Variants in FAM227A observed in about 807,000 individuals in gnomAD.
The protein encoded by FAM227A is protein FAM227A.
A neutral mutation model predicts 74.7 loss-of-function variants in FAM227A; 80 were observed. The ratio of observed to expected loss-of-function variants is 1.07; its 90% CI spans 0.89 to 1.29. FAM227A has a LOEUF of 1.29. FAM227A is among the 50% of genes most tolerant of loss of function. The pLI, the probability that FAM227A is intolerant of heterozygous loss-of-function variation, is 0.00. For synonymous variants in FAM227A, 237 were observed against 241.8 expected (o/e 0.98, Z 0.19); for missense variants, 654 against 683.4 (o/e 0.96, Z 0.48).
At chr22:38,640,940 CAG>C (rs975100803) in intron 3 of FAM227A, among the ~76,000 whole-genome samples, 1 of 151,972 alleles carries the variant, frequency 6.6e-6, no homozygotes, top group Non-Finnish European at 1.5e-5. Flanking sequence ...GGGGCGGTCA[CAG>C]GGGTTAGTCT....
chr22:38,611,311 T>C (rs977467235), intron 11 of FAM227A, among the ~76,000 whole-genome samples: 1 of 152,054 alleles, frequency 6.6e-6, no homozygotes, highest in African/African-American at 2.4e-5. Flanking sequence ...GAGCCTAAAT[T>C]TGAGCTACTA....
At chr22:38,591,651 G>T in intron 15 of FAM227A, 111 bp from the exon 16 acceptor site, 1 of 710,958 alleles carries the variant, frequency 1.4e-6, no homozygotes, top group East Asian at 3.1e-5. Flanking sequence ...TACAAAACAT[G>T]CATTGAAGTA....
At chr22:38,642,113 CAAT>C (rs2092130025) in intron 3 of FAM227A, among the ~76,000 whole-genome samples, 1 of 152,140 alleles carries the variant, frequency 6.6e-6, no homozygotes, top group African/African-American at 2.4e-5. Flanking sequence ...CATTCTGTCC[CAAT>C]AATAAGTAAA....
chr22:38,588,764 C>CA (rs34469783), intron 16 of FAM227A, among the ~76,000 whole-genome samples: 2,482 of 128,436 alleles, frequency 0.019, 35 homozygotes, highest in East Asian at 0.037. Flanking sequence ...ACTAAAAATA[C>CA]AAAAAAAAAA....
At chr22:38,616,679 AAAT>A (rs1490759520) in intron 11 of FAM227A, among the ~76,000 whole-genome samples, 2 of 151,960 alleles carry the variant, frequency 1.3e-5, no homozygotes, top group African/African-American at 2.4e-5. Context: ...AAAAAAAAAA[AAAT>A]AATAAGTTCT....
chr22:38,618,305 C>G (rs886334861), intron 11 of FAM227A: 13 of 152,202 alleles, frequency 8.5e-5, no homozygotes, highest in African/African-American at 3.1e-4. Flanking sequence ...GAAGAGACAA[C>G]TCATCACTGG....
At chr22:38,643,907 G>A (rs1262669699) in intron 3 of FAM227A, among the ~76,000 whole-genome samples, 1 of 152,038 alleles carries the variant, frequency 6.6e-6, no homozygotes, top group Non-Finnish European at 1.5e-5. Context: ...CAGCACTTTC[G>A]GAGGCTGAGG....
At chr22:38,597,512 G>T in intron 14 of FAM227A, 156 bp from the exon 15 acceptor site, 1 of 772,384 alleles carries the variant, frequency 1.3e-6, no homozygotes, top group Non-Finnish European at 2.2e-6. Flanking sequence ...ATCTGAGCAA[G>T]AGATGACTCT....
At chr22:38,643,299 G>C (rs555085600) in intron 3 of FAM227A, among the ~76,000 whole-genome samples, 84 of 148,464 alleles carry the variant, frequency 5.7e-4, no homozygotes, top group Non-Finnish European at 1.1e-3. Context: ...CCGGGTGACA[G>C]AGCAAGATTC....
At chr22:38,597,396 T>C in intron 14 of FAM227A, 40 bp from the exon 15 acceptor site, 1 of 1,546,606 alleles carries the variant, frequency 6.5e-7, no homozygotes. Flanking sequence ...ACTGTGGAAC[T>C]GTGTTGACGC....
intron 2 of FAM227A, among the ~76,000 whole-genome samples, chr22:38,647,049 C>T (rs1459316159): frequency 6.6e-6 from 1 of 151,904 alleles, no homozygotes; most frequent in Non-Finnish European, 1.5e-5. Flanking sequence ...ACTTGGGAGG[C>T]TCAGGCAGGA....
chr22:38,628,452 A>C, intron 7 of FAM227A, 110 bp from the exon 8 acceptor site: 9 of 726,050 alleles, frequency 1.2e-5, no homozygotes, highest in Non-Finnish European at 2.1e-5. Flanking sequence ...TCTTATTCTC[A>C]AGATATTTAG....
intron 16 of FAM227A, among the ~76,000 whole-genome samples, chr22:38,590,686 A>ACACTTG (rs1202394573): frequency 6.6e-6 from 1 of 152,252 alleles, no homozygotes; most frequent in African/African-American, 2.4e-5. Context: ...ACATAGGCCA[A>ACACTTG]CACTTGGTAC....
chr22:38,632,879 C>T (rs949470560), intron 6 of FAM227A, among the ~76,000 whole-genome samples: 2 of 152,186 alleles, frequency 1.3e-5, no homozygotes, highest in Non-Finnish European at 2.9e-5. Context: ...GGGACACTTT[C>T]AGCAGTGGGT....
In FAM227A at chr22:38,609,541, T is replaced by C. The variant is rs1006731857; in HGVS notation, c.1039-2065A>G. 3.1e-4 allele frequency among the ~76,000 whole-genome samples: 47 copies of C among 152,116 alleles called. 1 individual carries two copies. Among genetic ancestry groups the C allele is most frequent in the Admixed American group, 2.8e-3 (42 of 15,272 alleles). On this transcript the variant is annotated intron_variant, in intron 11 of 16. Coordinates refer to ENST00000535113, the MANE Select transcript of FAM227A (RefSeq NM_001013647.2). ...AGGATGAGTAGGAGGTTGGCAATGTTAAACAGATGGCCCACCAAGTGGCAG... is the reference window on the plus strand; with the variant it reads ...AGGATGAGTAGGAGGTTGGCAATGTCAAACAGATGGCCCACCAAGTGGCAG...
intron 14 of FAM227A, among the ~76,000 whole-genome samples, chr22:38,597,913 C>T (rs1569192600): frequency 6.6e-6 from 1 of 152,010 alleles, no homozygotes; most frequent in Non-Finnish European, 1.5e-5. Flanking sequence ...CATGGTGGCA[C>T]ATGCCTGTAA....
chr22:38,596,509 G>A (rs2091047595), intron 15 of FAM227A, among the ~76,000 whole-genome samples: 1 of 152,174 alleles, frequency 6.6e-6, no homozygotes, highest in South Asian at 2.1e-4. Flanking sequence ...TTGAGCTGCT[G>A]CACTGCAGCC....
intron 6 of FAM227A, among the ~76,000 whole-genome samples, chr22:38,631,571 AG>A (rs2091915876): frequency 6.6e-6 from 1 of 152,178 alleles, no homozygotes; most frequent in Non-Finnish European, 1.5e-5. Context: ...TGCATGATGA[AG>A]GGAGAGCTGA....
intron 15 of FAM227A, among the ~76,000 whole-genome samples, chr22:38,595,047 G>A (rs1314114818): frequency 6.6e-6 from 1 of 152,124 alleles, no homozygotes; most frequent in Admixed American, 6.5e-5. Context: ...GCAGTGAGCC[G>A]AGATTGCACC....
Sources: gnomAD v4.1 joint callset for allele counts (sites outside exome capture counted in the v4.1 genomes callset) on GRCh38, gnomAD v4.1.1 for gene constraint, MANE v1.5 for transcripts, NCBI Gene and HGNC (gene_info 2026-07-23, HGNC 2026-07-21) for gene names.